The following VAT1L variants were observed in gnomAD, a reference collection of about 807,000 sequenced individuals.
The protein encoded by VAT1L is putative NADPH-dependent quinone oxidoreductase VAT1L.
A neutral mutation model predicts 44.1 loss-of-function variants in VAT1L; 34 were observed. The observed-to-expected ratio is 0.77, with a 90% CI of 0.59 to 1.03. VAT1L has a LOEUF of 1.03. VAT1L is among the 50% of genes least tolerant of loss of function. The pLI is 0.00. For synonymous variants in VAT1L, 253 were observed against 202.2 expected, an observed-to-expected ratio of 1.25 and a Z score of -2.13; for missense variants, 615 against 538.8, an observed-to-expected ratio of 1.14 and a Z score of -1.40.
chr16:77,849,268 A>G (rs1193463190), intron 3 of VAT1L, among the ~76,000 whole-genome samples: 1 of 152,230 alleles, frequency 6.6e-6, no homozygotes, highest in Non-Finnish European at 1.5e-5. Flanking sequence ...ACAAGAAACA[A>G]ATGTGCAAAA....
intron 7 of VAT1L, among the ~76,000 whole-genome samples, chr16:77,967,461 C>T (rs1238819523): frequency 6.6e-6 from 1 of 152,202 alleles, no homozygotes; most frequent in Non-Finnish European, 1.5e-5. Context: ...TTTCCTTCAA[C>T]ATTGTCATCA....
At chr16:77,825,523 C>G (rs1028016520) in intron 3 of VAT1L, 62 bp downstream of exon 3, 1 of 1,521,726 alleles carries the variant, frequency 6.6e-7, no homozygotes, top group Non-Finnish European at 8.9e-7. Flanking sequence ...GGAGTGACAC[C>G]CCCCTGAGGT....
At chr16:77,791,365 C>A (rs752968966) in intron 1 of VAT1L, among the ~76,000 whole-genome samples, 1 of 152,096 alleles carries the variant, frequency 6.6e-6, no homozygotes. Flanking sequence ...ATTAGACAGA[C>A]CTGGAATGAC....
intron 1 of VAT1L, among the ~76,000 whole-genome samples, chr16:77,809,402 A>G (rs1185146513): frequency 6.6e-6 from 1 of 152,178 alleles, no homozygotes. Flanking sequence ...GGATGCCTCC[A>G]ACAGTCACAA....
Position 77,977,617 on chromosome 16 carries a change from G to A in VAT1L, c.1182G>A (p.Glu394=). 6.2e-7 allele frequency: 1 copy of A among 1,614,104 alleles called. No homozygotes were observed. The highest frequency in any genetic ancestry group is 8.5e-7 in the Non-Finnish European group (1 of 1,179,986). ...PTPLMANDST[E]TSEAGEEEED... is the part of the protein sequence containing the mutation. ...TACAGATGGCCAATGACAGCACAGA[G>A]ACCAGTGAAGCAGGGGAAGAGGAGG... The change falls in exon 9 of 9, where the codon GAG becomes GAA. Residue 394 remains glutamate (E), a synonymous_variant. Coordinates refer to ENST00000302536, the MANE Select transcript of VAT1L (RefSeq NM_020927.3).
At position 77,884,487 on chromosome 16, in the gene VAT1L, G is replaced by T; in HGVS notation, c.883-121G>T. 1.1e-6 allele frequency: 1 copy of T among 875,966 alleles called. No individual in the cohort carries two copies. Among genetic ancestry groups the T allele is most frequent in the Non-Finnish European group, 1.7e-6 (1 of 603,656 alleles). 54.3% of individuals were successfully genotyped at this position (875,966 alleles called of 1,614,324 possible). A position where few individuals can be genotyped will look rare whatever the true frequency, so the allele number is the denominator to read the frequency against. ...CCAAGAGCAACCCCTTGGCCAGCTG[G>T]AATCTGCTGAGCTGCAGCCCCACGT... On this transcript the variant is annotated intron_variant, in intron 6 of 8. Coordinates refer to ENST00000302536, the MANE Select transcript of VAT1L (RefSeq NM_020927.3). This position sits in a 1 kb window ranked among gnomAD's most constrained non-coding sequence, Gnocchi z 4.5.
intron 4 of VAT1L, among the ~76,000 whole-genome samples, chr16:77,864,382 C>T (rs1283659907): frequency 6.6e-6 from 1 of 152,142 alleles, no homozygotes; most frequent in Non-Finnish European, 1.5e-5. Flanking sequence ...CACTTGAGCC[C>T]AGGAGTTTGA....
chr16:77,892,454 G>A (rs1417085860), intron 7 of VAT1L: 2 of 500,746 alleles, frequency 4.0e-6, no homozygotes, highest in East Asian at 5.1e-5. Flanking sequence ...GGGGTTGACA[G>A]TGCGGTTGAT....
chr16:77,865,505 T>C (rs2142445151), intron 4 of VAT1L, among the ~76,000 whole-genome samples: 1 of 152,294 alleles, frequency 6.6e-6, no homozygotes, highest in East Asian at 1.9e-4. Flanking sequence ...CCTTGTGGAA[T>C]ATAGAGTCTT....
At chr16:77,839,054 A>G (rs537350961) in intron 3 of VAT1L, among the ~76,000 whole-genome samples, 8 of 152,208 alleles carry the variant, frequency 5.3e-5, no homozygotes, top group African/African-American at 1.9e-4. Flanking sequence ...TTAGTCATCG[A>G]TGGCAGTGGT....
At chr16:77,952,607 C>T (rs984520332) in intron 7 of VAT1L, among the ~76,000 whole-genome samples, 3 of 152,026 alleles carry the variant, frequency 2.0e-5, no homozygotes, top group Admixed American at 2.0e-4. Flanking sequence ...ACCTGTAATC[C>T]CAGCACCTTG....
chr16:77,901,329 A>G (rs1597090246), intron 7 of VAT1L, among the ~76,000 whole-genome samples: 2 of 151,754 alleles, frequency 1.3e-5, no homozygotes, highest in East Asian at 2.0e-4. Flanking sequence ...ATGCCCGGCT[A>G]ATTTTTTGTA....
chr16:77,878,346 C>T (rs1334321690), intron 5 of VAT1L, among the ~76,000 whole-genome samples: 1 of 152,128 alleles, frequency 6.6e-6, no homozygotes, highest in African/African-American at 2.4e-5. Flanking sequence ...TATTAAATAA[C>T]TCCTCTCTGA....
chr16:77,875,729 A>G (rs1289924978), intron 4 of VAT1L, among the ~76,000 whole-genome samples: 2 of 152,204 alleles, frequency 1.3e-5, no homozygotes, highest in Admixed American at 6.5e-5. Flanking sequence ...GTTCATCTCT[A>G]TTTAACCCTC....
chr16:77,867,181 G>C (rs1347479807), intron 4 of VAT1L, among the ~76,000 whole-genome samples: 1 of 152,116 alleles, frequency 6.6e-6, no homozygotes, highest in African/African-American at 2.4e-5. Context: ...GAGTCTGTCA[G>C]CTTTCTATTC....
Position 77,922,183 on chromosome 16 carries a change from C to T in VAT1L, c.1077+37381C>T, listed in dbSNP as rs910993635. 6.1e-5 allele frequency among the ~76,000 whole-genome samples: 9 copies of T among 148,746 alleles called. No individual in the cohort carries two copies. The East Asian group carries it at 7.9e-4, about 13-fold the overall frequency. ...CGCTGTGTGAGTTTGGGATGGCGGG[C>T]GGGGGTGGAGGGGCAGTGTCTGTAT... On this transcript the variant is annotated intron_variant, in intron 7 of 8. Coordinates refer to ENST00000302536, the MANE Select transcript of VAT1L (RefSeq NM_020927.3).
chr16:77,878,464 C>T (rs186585688), intron 5 of VAT1L, among the ~76,000 whole-genome samples: 49 of 151,988 alleles, frequency 3.2e-4, no homozygotes, highest in African/African-American at 1.1e-3. Flanking sequence ...CTCATTCCCC[C>T]CTCCCCTGCC....
intron 7 of VAT1L, among the ~76,000 whole-genome samples, chr16:77,916,167 G>T (rs1041647325): frequency 2.0e-5 from 3 of 152,176 alleles, no homozygotes; most frequent in Admixed American, 2.0e-4. Context: ...GGGGCCAAGG[G>T]CAGGGAAATC....
intron 7 of VAT1L, among the ~76,000 whole-genome samples, chr16:77,925,211 G>A (rs1227804089): frequency 1.3e-5 from 2 of 152,098 alleles, no homozygotes; most frequent in Non-Finnish European, 2.9e-5. Flanking sequence ...TCACTCTCAG[G>A]TTCACGTGCA....
Sources: allele counts gnomAD v4.1 joint callset (sites outside exome capture counted in the v4.1 genomes callset), GRCh38; gene constraint gnomAD v4.1.1; non-coding constraint Gnocchi (gnomAD v3.1); transcripts MANE v1.5; gene names NCBI Gene and HGNC (gene_info 2026-07-23, HGNC 2026-07-21).